Variants in CSMD1 observed in about 807,000 individuals in gnomAD.
The protein encoded by CSMD1 is CUB and sushi domain-containing protein 1.
In CSMD1, 213 loss-of-function variants were observed where a neutral mutation model predicts 417.5. The observed-to-expected ratio is 0.51, with a 90% CI of 0.46 to 0.57. The LOEUF (loss-of-function observed/expected upper bound fraction) is 0.57. CSMD1 is among the 20% of genes least tolerant of loss of function. The probability of loss-of-function intolerance (pLI) is 0.00; values close to 1 mark genes in which losing one functional copy is unlikely to be tolerated. For missense variants in CSMD1, 6,923 were observed against 4,529.7 expected, an observed-to-expected ratio of 1.53 and a Z score of -15.17; for synonymous variants, 2,862 against 1,736.8, an observed-to-expected ratio of 1.65 and a Z score of -16.11.
At chr8:3,423,172 G>C (rs1813605519) in intron 12 of CSMD1, among the ~76,000 whole-genome samples, 2 of 152,078 alleles carry the variant, frequency 1.3e-5, no homozygotes, top group Non-Finnish European at 2.9e-5. Context: ...AATGAATTAG[G>C]TACCACAAAT....
intron 1 of CSMD1, among the ~76,000 whole-genome samples, chr8:4,936,653 G>T (rs561331860): frequency 6.6e-6 from 1 of 152,256 alleles, no homozygotes; most frequent in Admixed American, 6.5e-5. Flanking sequence ...TCAAGAGCTA[G>T]TTATGGACAT....
rs192493387 is a variant in CSMD1 at position 3,298,830 on chromosome 8, A to G, written c.3950+8865T>C. 1.2e-4 allele frequency among the ~76,000 whole-genome samples: 18 copies of G among 152,268 alleles called. No individual in the cohort carries two copies. The East Asian group carries it at 2.7e-3, about 23-fold the overall frequency. On this transcript the variant is annotated intron_variant, in intron 25 of 69. Transcript: ENST00000635120. Reference sequence around the variant, plus strand: ...TAGTGATTGTCCTGGAGAAGAGACAATTTGAATAGAGCTCAAAGGTCTATC... The same window carrying G: ...TAGTGATTGTCCTGGAGAAGAGACAGTTTGAATAGAGCTCAAAGGTCTATC...
chr8:3,182,293 C>T (rs962153254), intron 36 of CSMD1, among the ~76,000 whole-genome samples: 28 of 152,326 alleles, frequency 1.8e-4, no homozygotes, highest in Admixed American at 4.6e-4. Flanking sequence ...GTCACCCAGG[C>T]TGGAGTGCAG....
At chr8:3,694,531 G>A (rs566133605) in intron 7 of CSMD1, among the ~76,000 whole-genome samples, 9 of 152,104 alleles carry the variant, frequency 5.9e-5, no homozygotes, top group Non-Finnish European at 7.4e-5. Flanking sequence ...TCAGGAGGCC[G>A]GGTGAGATCC....
chr8:4,851,476 G>A (rs1166550419), intron 1 of CSMD1, among the ~76,000 whole-genome samples: 2 of 148,126 alleles, frequency 1.4e-5, no homozygotes, highest in Non-Finnish European at 3.0e-5. Flanking sequence ...TTTCTTTTTT[G>A]ATATTTGAGT....
At chr8:3,113,994 G>A (rs531376427) in intron 42 of CSMD1, among the ~76,000 whole-genome samples, 11 of 152,262 alleles carry the variant, frequency 7.2e-5, no homozygotes, top group African/African-American at 2.6e-4. Context: ...TAGGGAGGAG[G>A]ATCATTTGAC....
intron 5 of CSMD1, among the ~76,000 whole-genome samples, chr8:3,762,045 T>C (rs1034731668): frequency 1.3e-5 from 2 of 152,072 alleles, no homozygotes; most frequent in African/African-American, 4.8e-5. Context: ...TGCCCTCCTA[T>C]AGTCAATTTT....
At chr8:4,817,296 A>G (rs1482159126) in intron 1 of CSMD1, among the ~76,000 whole-genome samples, 4 of 152,186 alleles carry the variant, frequency 2.6e-5, no homozygotes, top group Non-Finnish European at 5.9e-5. Flanking sequence ...CAATCAAGCT[A>G]TACATTAAGG....
chr8:4,520,229 A>G (rs1403712184), intron 2 of CSMD1, among the ~76,000 whole-genome samples: 1 of 152,072 alleles, frequency 6.6e-6, no homozygotes, highest in Non-Finnish European at 1.5e-5. Flanking sequence ...CCTATTTCTT[A>G]TTTTACCTGG....
At chr8:3,142,264 C>T (rs909535588) in intron 41 of CSMD1, among the ~76,000 whole-genome samples, 36 of 152,136 alleles carry the variant, frequency 2.4e-4, no homozygotes, top group African/African-American at 8.7e-4. Context: ...AAGGCGAACC[C>T]ACTGGTGGTT....
chr8:4,883,185 A>G (rs552910563), intron 1 of CSMD1, among the ~76,000 whole-genome samples: 1 of 152,236 alleles, frequency 6.6e-6, no homozygotes, highest in East Asian at 1.9e-4. Flanking sequence ...AGAATGCTGT[A>G]GAATGCTAGC....
intron 26 of CSMD1, among the ~76,000 whole-genome samples, chr8:3,240,737 T>C (rs1201048226): frequency 6.6e-6 from 1 of 152,034 alleles, no homozygotes; most frequent in Non-Finnish European, 1.5e-5. Flanking sequence ...GAGGGAGGTA[T>C]CGAGGTTAGG....
chr8:4,328,880 C>G (rs759093886), intron 3 of CSMD1, among the ~76,000 whole-genome samples: 12 of 152,158 alleles, frequency 7.9e-5, no homozygotes, highest in Admixed American at 2.6e-4. Flanking sequence ...CATAAAATGT[C>G]CTCATAACAT....
chr8:4,186,194 A>G (rs1798665827), intron 3 of CSMD1, among the ~76,000 whole-genome samples: 1 of 152,154 alleles, frequency 6.6e-6, no homozygotes, highest in Non-Finnish European at 1.5e-5. Flanking sequence ...GTTCCAGAGA[A>G]CATTGTGGAA....
intron 50 of CSMD1, among the ~76,000 whole-genome samples, chr8:3,038,563 A>T (rs1230327977): frequency 6.6e-6 from 1 of 151,978 alleles, no homozygotes; most frequent in East Asian, 1.9e-4. Flanking sequence ...TTTTGTTTTT[A>T]TTTACATGTT....
chr8:3,839,497 A>T lies in CSMD1; in HGVS notation c.819-85455T>A, dbSNP rs1286644116. On this transcript the variant is annotated intron_variant, in intron 5 of 69. Transcript: ENST00000635120. ...TAATTATATTATATATTTATATATT[A>T]ATATATATATTTATATAGAATATAA... Among the ~76,000 whole-genome samples, 55 of 59,578 alleles carry T rather than the reference A, an allele frequency of 9.2e-4. No individual in the cohort carries two copies. In the East Asian group the frequency reaches 0.036, roughly 39 times the overall value. The allele number at this position is 59,578 out of a possible 152,430, so 39.1% of individuals were successfully genotyped here. A position where few individuals can be genotyped will look rare whatever the true frequency, so the allele number is the denominator to read the frequency against.
intron 50 of CSMD1, among the ~76,000 whole-genome samples, chr8:3,049,752 T>C (rs1455955068): frequency 6.6e-6 from 1 of 152,068 alleles, no homozygotes; most frequent in Non-Finnish European, 1.5e-5. Context: ...TGAGCTCTCA[T>C]GTGAACGCTG....
intron 3 of CSMD1, among the ~76,000 whole-genome samples, chr8:4,158,701 A>G (rs2131085930): frequency 6.6e-6 from 1 of 152,096 alleles, no homozygotes; most frequent in South Asian, 2.1e-4. Context: ...CTATTCCTAA[A>G]CCACCCCATT....
At chr8:4,013,351 G>C (rs1295274744) in intron 4 of CSMD1, among the ~76,000 whole-genome samples, 3 of 152,108 alleles carry the variant, frequency 2.0e-5, no homozygotes, top group African/African-American at 4.8e-5. Context: ...CCAAACACCT[G>C]GTTGATCCCT....
Sources: allele counts gnomAD v4.1 joint callset (sites outside exome capture counted in the v4.1 genomes callset), GRCh38; gene constraint gnomAD v4.1.1; transcripts MANE v1.5; gene names NCBI Gene and HGNC (gene_info 2026-07-23, HGNC 2026-07-21).